Variants in DNAH11 observed in about 807,000 individuals in gnomAD.
The protein encoded by DNAH11 is axonemal beta dynein heavy chain 11.
Under a neutral mutation model 526.0 loss-of-function variants are expected in DNAH11, and 442 were observed. The ratio of observed to expected loss-of-function variants is 0.84; its 90% CI spans 0.78 to 0.91. DNAH11 has a LOEUF of 0.91. DNAH11 is among the 40% of genes least tolerant of loss of function. The pLI is 0.00. For synonymous variants in DNAH11, 2,461 were observed against 1,935.9 expected, an observed-to-expected ratio of 1.27 and a Z score of -7.12; for missense variants, 6,989 against 5,448.7, an observed-to-expected ratio of 1.28 and a Z score of -8.90.
chr7:21,710,316 T>G (rs547312895), intron 40 of DNAH11, among the ~76,000 whole-genome samples: 2 of 152,186 alleles, frequency 1.3e-5, no homozygotes, highest in Non-Finnish European at 2.9e-5. Flanking sequence ...TATCTCTGTT[T>G]GGCATATGGG....
At position 21,889,913 on chromosome 7, in the gene DNAH11, T is replaced by C. The variant is rs141419078; in HGVS notation, c.12508-2512T>C. On this transcript the variant is annotated intron_variant, in intron 76 of 81. Transcript: ENST00000409508. ...GATTCACAGGGCTCCTTGAGTATAT[T>C]AAAGTCTTGATGGTTTTCTTAAAGT... is the stretch of plus-strand genomic sequence containing the variant. Among the ~76,000 whole-genome samples, 792 of 152,306 alleles carry C rather than the reference T, an allele frequency of 5.2e-3. 6 individuals carry two copies. The highest frequency in any genetic ancestry group is 9.6e-3 in the Non-Finnish European group (652 of 68,030).
chr7:21,681,502 T>A (rs1473037101), intron 30 of DNAH11, 44 bp from the exon 31 acceptor site: 1 of 1,586,684 alleles, frequency 6.3e-7, no homozygotes, highest in Non-Finnish European at 8.6e-7. Flanking sequence ...TTAAATTCTG[T>A]ATTTGTAACC....
chr7:21,809,236 G>T (rs867942040), intron 63 of DNAH11, among the ~76,000 whole-genome samples: 4 of 151,986 alleles, frequency 2.6e-5, no homozygotes, highest in Admixed American at 1.3e-4. Context: ...CAAGTTTTTT[G>T]CTTTATTTGC....
chr7:21,855,057 A>C (rs1420606804), intron 68 of DNAH11, among the ~76,000 whole-genome samples: 10 of 110,674 alleles, frequency 9.0e-5, no homozygotes, highest in Non-Finnish European at 6.8e-5. Context: ...TTTGGGATGG[A>C]GTCTCCCTCT....
chr7:21,588,731 G>A lies in DNAH11; in HGVS notation c.1973+95G>A. ...AGCTGTTCATATTAGCACTTAGGAA[G>A]CCATTGCCCTGTTCACTTCTCTCAC... On this transcript the variant is annotated intron_variant, in intron 11 of 81. Transcript: ENST00000409508. 2.1e-6 allele frequency: 3 copies of A among 1,419,080 alleles called. No individual in the cohort carries two copies. In the South Asian group the frequency reaches 3.6e-5, roughly 17 times the overall value. The allele number at this position is 1,419,080 out of a possible 1,614,324, so 87.9% of individuals were successfully genotyped here.
chr7:21,772,670 T>C (rs932163411), intron 55 of DNAH11, among the ~76,000 whole-genome samples: 2 of 152,266 alleles, frequency 1.3e-5, no homozygotes, highest in African/African-American at 4.8e-5. Context: ...TTTTTAACTT[T>C]TGTTTTAGTA....
chr7:21,710,697 TAAC>T lies in DNAH11; in HGVS notation c.6831_6833del (p.Asn2277del). On this transcript the variant is annotated inframe_deletion, in exon 41 of 82. Coordinates refer to ENST00000409508, the MANE Select transcript of DNAH11 (RefSeq NM_001277115.2). ...AATCACTGAATACTGTAATGGATGATAACAAGGTGAATAAAACCTCTGTTCTCA... is the reference window on the plus strand; with the variant it reads ...AATCACTGAATACTGTAATGGATGATAAGGTGAATAAAACCTCTGTTCTCA... 1 of 1,611,288 alleles carries T rather than the reference TAAC, an allele frequency of 6.2e-7. No individual in the cohort carries two copies. The highest frequency in any genetic ancestry group is 8.5e-7 in the Non-Finnish European group (1 of 1,178,686).
chr7:21,816,344 C>A, intron 63 of DNAH11, 123 bp from the exon 64 acceptor site: 1 of 745,082 alleles, frequency 1.3e-6, no homozygotes, highest in Non-Finnish European at 2.2e-6. Context: ...TTCTGAGAAT[C>A]CACAGAAAAT....
chr7:21,630,191 G>A (rs73072265), intron 25 of DNAH11, among the ~76,000 whole-genome samples: 1,621 of 151,994 alleles, frequency 0.011, 20 homozygotes, highest in Middle Eastern at 0.031. Context: ...AAGAAAAAAT[G>A]AAGAAGAAAC....
In DNAH11 at chr7:21,564,294, T is replaced by C; in HGVS notation, c.1091T>C (p.Leu364Ser). The C allele has an allele frequency of 6.2e-7, 1 of 1,613,696 alleles. No individual in the cohort carries two copies. The highest frequency in any genetic ancestry group is 8.5e-7 in the Non-Finnish European group (1 of 1,179,756). Residue 364 changes from leucine (L) to serine (S), a missense_variant, in exon 6 of 82, where the codon TTA becomes TCA. Leu to Ser is a moderately radical substitution (Grantham distance 145). Coordinates refer to ENST00000409508, the MANE Select transcript of DNAH11 (RefSeq NM_001277115.2). ...CAGACACGCATATTAATCGCTCCAT[T>C]ATTTCATACCATCTGTCTGATCTGG... ...FPQTRILIAP[L>S]FHTICLIWSH...
chr7:21,595,275 G>T (rs1784822813), intron 14 of DNAH11, among the ~76,000 whole-genome samples: 1 of 152,140 alleles, frequency 6.6e-6, no homozygotes, highest in Non-Finnish European at 1.5e-5. Flanking sequence ...CTGCCCTCAG[G>T]ACCTAATCAC....
At chr7:21,695,230 G>A (rs140007039) in intron 35 of DNAH11, among the ~76,000 whole-genome samples, 50 of 152,236 alleles carry the variant, frequency 3.3e-4, no homozygotes, top group African/African-American at 1.0e-3. Context: ...CTTCACAGAA[G>A]TAGAAAATAC....
At chr7:21,582,359 C>G (rs1266130435) in intron 9 of DNAH11, among the ~76,000 whole-genome samples, 1 of 152,118 alleles carries the variant, frequency 6.6e-6, no homozygotes, top group African/African-American at 2.4e-5. Context: ...TCAGGAATTT[C>G]TTTTATTTAC....
chr7:21,797,144 A>G (rs1036158718), intron 61 of DNAH11, among the ~76,000 whole-genome samples: 5 of 152,240 alleles, frequency 3.3e-5, no homozygotes, highest in African/African-American at 1.2e-4. Context: ...AGAGTCCCTC[A>G]GAAAATATTT....
chr7:21,543,228 C>A lies in DNAH11; in HGVS notation c.-18C>A, dbSNP rs981140256. The A allele has an allele frequency of 4.0e-6, 6 of 1,513,178 alleles. No homozygotes were observed. In the African/African-American group the frequency reaches 7.0e-5, roughly 18 times the overall value. The allele number at this position is 1,513,178 out of a possible 1,614,324, so 93.7% of individuals were successfully genotyped here. ...GTGAGGAGCCAGCCGGCCTCGCGTTCCCTCGGACGGTTGCCCAATGGCAGC... is the reference window on the plus strand; with the variant it reads ...GTGAGGAGCCAGCCGGCCTCGCGTTACCTCGGACGGTTGCCCAATGGCAGC... On this transcript the variant is annotated 5_prime_UTR_variant, in exon 1 of 82. Coordinates refer to ENST00000409508, the MANE Select transcript of DNAH11 (RefSeq NM_001277115.2).
At chr7:21,613,643 G>A (rs1349222420) in intron 20 of DNAH11, among the ~76,000 whole-genome samples, 3 of 152,142 alleles carry the variant, frequency 2.0e-5, no homozygotes, top group Non-Finnish European at 4.4e-5. Flanking sequence ...TAATAGCAAC[G>A]TACTGTATTT....
chr7:21,636,236 A>G (rs372180906), intron 26 of DNAH11, 141 bp downstream of exon 26: 17 of 672,214 alleles, frequency 2.5e-5, no homozygotes, highest in Admixed American at 2.1e-4. Flanking sequence ...GGGCCAGGTA[A>G]TAAATATTTC....
chr7:21,693,443 T>C (rs188472133), intron 35 of DNAH11, among the ~76,000 whole-genome samples: 140 of 152,308 alleles, frequency 9.2e-4, no homozygotes, highest in Admixed American at 1.9e-3. Context: ...CCTTGTAAAA[T>C]TTTTGTCTGG....
chr7:21,839,764 G>A (rs1479934454), intron 65 of DNAH11, among the ~76,000 whole-genome samples: 1 of 152,140 alleles, frequency 6.6e-6, no homozygotes, highest in African/African-American at 2.4e-5. Context: ...GTTTTCAAAA[G>A]TGGCTTATCT....
Sources: allele counts gnomAD v4.1 joint callset (sites outside exome capture counted in the v4.1 genomes callset), GRCh38; gene constraint gnomAD v4.1.1; transcripts MANE v1.5; gene names NCBI Gene and HGNC (gene_info 2026-07-23, HGNC 2026-07-21).